The following KIF2B variants were observed in gnomAD, a reference collection of about 807,000 sequenced individuals.
The protein encoded by KIF2B is kinesin family member 2B, also known as kinesin-like protein KIF2B.
KIF2B carries 5 observed loss-of-function variants against 6.8 expected under a neutral mutation model. The ratio of observed to expected loss-of-function variants is 0.74; its 90% CI spans 0.39 to 1.55. KIF2B has a LOEUF of 1.55. KIF2B is among the 40% of genes most tolerant of loss of function. KIF2B has a pLI of 0.03. For missense variants in KIF2B, 908 were observed against 831.3 expected, an observed-to-expected ratio of 1.09 and a Z score of -1.13; for synonymous variants, 370 against 330.7, an observed-to-expected ratio of 1.12 and a Z score of -1.29.
At position 53,823,803 on chromosome 17, in the gene KIF2B, G is replaced by A. The variant is rs764658737; in HGVS notation, c.770G>A (p.Arg257His). The change falls in exon 1 of 1, where the codon CGC becomes CAC. Residue 257 changes from arginine to histidine, a missense_variant. Coordinates refer to ENST00000268919, the MANE Select transcript of KIF2B (RefSeq NM_032559.5). ...TCCAAGCAAAAGGTGGACCTCACTC[G>A]CTACCTGCAGAACCAGACCTTCTGC... ...HESKQKVDLT[R>H]YLQNQTFCFD... is the part of the protein sequence containing the mutation. The A allele has an allele frequency of 1.9e-6, 3 of 1,614,162 alleles. No homozygotes were observed. The highest frequency in any genetic ancestry group is 1.3e-5 in the African/African-American group (1 of 75,040).
In KIF2B at chr17:53,823,902, C is replaced by A. The variant is rs750979269; in HGVS notation, c.869C>A (p.Ser290Tyr). Residue 290 changes from serine (S) to tyrosine (Y), a missense_variant, in exon 1 of 1, where the codon TCC becomes TAC. Physicochemically the swap from Ser to Tyr is moderately radical, Grantham distance 144. Coordinates refer to ENST00000268919, the MANE Select transcript of KIF2B (RefSeq NM_032559.5). ...YQFTAQPLVE[S>Y]IFRKGMATCF... ...TTCACCGCCCAGCCACTGGTGGAGTCCATCTTCCGCAAGGGCATGGCCACC... is the reference window on the plus strand; with the variant it reads ...TTCACCGCCCAGCCACTGGTGGAGTACATCTTCCGCAAGGGCATGGCCACC... 1 of 1,614,240 alleles carries A rather than the reference C, an allele frequency of 6.2e-7. No individual in the cohort carries two copies. Among genetic ancestry groups the A allele is most frequent in the South Asian group, 1.1e-5 (1 of 91,086 alleles).
Position 53,824,857 on chromosome 17 carries a change from T to C in KIF2B, c.1824T>C (p.Asp608=). Residue 608 remains aspartate, a synonymous_variant, in exon 1 of 1, where the codon GAT becomes GAC. Transcript: ENST00000268919. The part of the protein sequence containing the change: ...VETLPTLLGK[D]TTISGKGSSQ... ...CATTACCCACTCTGTTAGGGAAGGA[T>C]ACCACAATTTCAGGGAAGGGATCTA... 1 of 1,614,000 alleles carries C rather than the reference T, an allele frequency of 6.2e-7. No individual in the cohort carries two copies. The highest frequency in any genetic ancestry group is 8.5e-7 in the Non-Finnish European group (1 of 1,179,948).
rs771455203 is a variant in KIF2B, at chr17:53,823,435, G to A, written c.402G>A (p.Arg134=). 1 of 1,614,086 alleles carries A rather than the reference G, an allele frequency of 6.2e-7. No homozygotes were observed. Among genetic ancestry groups the A allele is most frequent in the Non-Finnish European group, 8.5e-7 (1 of 1,180,034 alleles). Residue 134 remains arginine (R), a synonymous_variant, in exon 1 of 1, where the codon AGG becomes AGA. Coordinates refer to ENST00000268919, the MANE Select transcript of KIF2B (RefSeq NM_032559.5). ...QTASGDSLDV[R]VPSKPCLMKQ... ...CCTCAGGGGACAGCCTGGATGTGAG[G>A]GTCCCCAGCAAACCTTGTCTGATGA...
rs576476597 is a variant in KIF2B, at chr17:53,823,704, A to C, written c.671A>C (p.Asn224Thr). The C allele has an allele frequency of 9.3e-6, 15 of 1,614,212 alleles. No homozygotes were observed. The highest frequency in any genetic ancestry group is 1.2e-5 in the Non-Finnish European group (14 of 1,180,038). Reference protein sequence around the residue: ...ICVCVRKRPLNQRETTLKDLD... With the variant: ...ICVCVRKRPLTQRETTLKDLD... ...GTCTGCGTGAGGAAGCGGCCTCTCA[A>C]CCAGCGAGAGACAACCTTAAAGGAC... The change falls in exon 1 of 1, where the codon AAC (asparagine) becomes ACC (threonine). Residue 224 changes from asparagine (N) to threonine (T), a missense_variant. By Grantham distance (65) the Asn-to-Thr change is moderately conservative. Transcript: ENST00000268919.
rs550497346 is a variant in KIF2B, at chr17:53,823,054, C to T, written c.21C>T (p.Leu7=). 6.2e-7 allele frequency: 1 copy of T among 1,613,912 alleles called. No individual in the cohort carries two copies. The highest frequency in any genetic ancestry group is 8.5e-7 in the Non-Finnish European group (1 of 1,179,826). ...TCACCATGGCCAGCCAGTTCTGCCT[C>T]CCTGAATCCCCATGTCTCTCGCCCC... MASQFC[L]PESPCLSPLK... Residue 7 remains leucine (L), a synonymous_variant, in exon 1 of 1, where the codon CTC becomes CTT. Coordinates refer to ENST00000268919, the MANE Select transcript of KIF2B (RefSeq NM_032559.5).
chr17:53,824,989 G>T lies in KIF2B; in HGVS notation c.1956G>T (p.Leu652=). ...TTTTGGAGCAGAAAATTGATGCTCT[G>T]ACCGAGATCCAAAAGAAACTGAAAT... The part of the protein sequence containing the change: ...LSILEQKIDA[L]TEIQKKLKLL... The change falls in exon 1 of 1, where the codon CTG becomes CTT. Residue 652 remains leucine (L), a synonymous_variant. Transcript: ENST00000268919. 6.2e-7 allele frequency: 1 copy of T among 1,613,744 alleles called. No homozygotes were observed. Among genetic ancestry groups the T allele is most frequent in the South Asian group, 1.1e-5 (1 of 91,038 alleles).
At position 53,824,867 on chromosome 17, in the gene KIF2B, T is replaced by A. The variant is rs2143787419; in HGVS notation, c.1834T>A (p.Ser612Thr). The A allele has an allele frequency of 6.2e-7, 1 of 1,613,998 alleles. No homozygotes were observed. The highest frequency in any genetic ancestry group is 8.5e-7 in the Non-Finnish European group (1 of 1,179,952). Residue 612 changes from serine (S) to threonine (T), a missense_variant, in exon 1 of 1, where the codon TCA becomes ACA. Ser to Thr is a moderately conservative substitution (Grantham distance 58). Coordinates refer to ENST00000268919, the MANE Select transcript of KIF2B (RefSeq NM_032559.5). Reference protein sequence around the residue: ...PTLLGKDTTISGKGSSQWLEN... With the variant: ...PTLLGKDTTITGKGSSQWLEN... ...TCTGTTAGGGAAGGATACCACAATT[T>A]CAGGGAAGGGATCTAGCCAATGGCT...
In KIF2B at chr17:53,824,444, A is replaced by T. The variant is rs756908821; in HGVS notation, c.1411A>T (p.Ile471Phe). The T allele has an allele frequency of 2.5e-6, 4 of 1,614,004 alleles. No homozygotes were observed. In the African/African-American group the frequency reaches 5.3e-5, roughly 22 times the overall value. ...GAAAAGGCAGCTGGAAGGGGCAGAG[A>T]TTAACAAGAGTCTTCTAGCCCTCAA... Reference protein sequence around the residue: ...SRKRQLEGAEINKSLLALKEC... With the variant: ...SRKRQLEGAEFNKSLLALKEC... The change falls in exon 1 of 1, where the codon ATT becomes TTT. Residue 471 changes from isoleucine (I) to phenylalanine (F), a missense_variant. Coordinates refer to ENST00000268919, the MANE Select transcript of KIF2B (RefSeq NM_032559.5).
rs1309953637 is a variant in KIF2B at position 53,825,094 on chromosome 17, C to T, written c.*39C>T. On this transcript the variant is annotated 3_prime_UTR_variant, in exon 1 of 1. Coordinates refer to ENST00000268919, the MANE Select transcript of KIF2B (RefSeq NM_032559.5). ...AGATCAGGTCCGAAATGCTGCATTGCTGCAGTTTCCACCACTCTTATACAG... is the reference window on the plus strand; with the variant it reads ...AGATCAGGTCCGAAATGCTGCATTGTTGCAGTTTCCACCACTCTTATACAG... 4.2e-6 allele frequency: 6 copies of T among 1,441,556 alleles called. No individual in the cohort carries two copies. The highest frequency in any genetic ancestry group is 5.7e-6 in the Non-Finnish European group (6 of 1,049,944). 89.3% of individuals were successfully genotyped at this position (1,441,556 alleles called of 1,614,324 possible). A position where few individuals can be genotyped will look rare whatever the true frequency, so the allele number is the denominator to read the frequency against.
In KIF2B at chr17:53,824,489, G is replaced by A. The variant is rs1432836022; in HGVS notation, c.1456G>A (p.Gly486Ser). ...LALKECILAL[G>S]QNKPHTPFRA... ...CCTCAAAGAATGTATTCTGGCTTTG[G>A]GTCAGAACAAGCCTCACACCCCATT... The change falls in exon 1 of 1, where the codon GGT becomes AGT. Residue 486 changes from glycine to serine, a missense_variant. Coordinates refer to ENST00000268919, the MANE Select transcript of KIF2B (RefSeq NM_032559.5). 1 of 1,614,016 alleles carries A rather than the reference G, an allele frequency of 6.2e-7. No individual in the cohort carries two copies. Among genetic ancestry groups the A allele is most frequent in the Non-Finnish European group, 8.5e-7 (1 of 1,180,012 alleles).
rs1359504928 is a variant in KIF2B, at chr17:53,824,475, G to A, written c.1442G>A (p.Cys481Tyr). The part of the protein sequence containing the change: ...INKSLLALKE[C>Y]ILALGQNKPH... ...AAGAGTCTTCTAGCCCTCAAAGAAT[G>A]TATTCTGGCTTTGGGTCAGAACAAG... Residue 481 changes from cysteine (C) to tyrosine (Y), a missense_variant, in exon 1 of 1, where the codon TGT becomes TAT. Cys to Tyr is a radical substitution (Grantham distance 194). Coordinates refer to ENST00000268919, the MANE Select transcript of KIF2B (RefSeq NM_032559.5). 10 of 1,613,966 alleles carry A rather than the reference G, an allele frequency of 6.2e-6. No homozygotes were observed. Among genetic ancestry groups the A allele is most frequent in the Admixed American group, 1.7e-5 (1 of 59,986 alleles).
chr17:53,823,719 C>A lies in KIF2B; in HGVS notation c.686C>A (p.Thr229Asn), dbSNP rs766279989. Reference sequence around the variant, plus strand: ...CGGCCTCTCAACCAGCGAGAGACAACCTTAAAGGACCTGGATATCATCACC... The same window carrying A: ...CGGCCTCTCAACCAGCGAGAGACAAACTTAAAGGACCTGGATATCATCACC... ...RKRPLNQRET[T>N]LKDLDIITVP... Residue 229 changes from threonine (T) to asparagine (N), a missense_variant, in exon 1 of 1, where the codon ACC (threonine) becomes AAC (asparagine). Thr to Asn is a moderately conservative substitution (Grantham distance 65, BLOSUM62 0). Transcript: ENST00000268919. 6.2e-7 allele frequency: 1 copy of A among 1,614,218 alleles called. No individual in the cohort carries two copies. Among genetic ancestry groups the A allele is most frequent in the Non-Finnish European group, 8.5e-7 (1 of 1,180,046 alleles).
rs1166112935 is a variant in KIF2B at position 53,823,080 on chromosome 17, T to C, written c.47T>C (p.Leu16Pro). 3 of 1,614,032 alleles carry C rather than the reference T, an allele frequency of 1.9e-6. No homozygotes were observed. Among genetic ancestry groups the C allele is most frequent in the Non-Finnish European group, 1.7e-6 (2 of 1,180,024 alleles). Reference sequence around the variant, plus strand: ...CCTGAATCCCCATGTCTCTCGCCCCTGAAACCCTTGAAGCCACATTTCGGA... The same window carrying C: ...CCTGAATCCCCATGTCTCTCGCCCCCGAAACCCTTGAAGCCACATTTCGGA... Reference protein sequence around the residue: ...CLPESPCLSPLKPLKPHFGDI... With the variant: ...CLPESPCLSPPKPLKPHFGDI... Residue 16 changes from leucine (L) to proline (P), a missense_variant, in exon 1 of 1, where the codon CTG (leucine) becomes CCG (proline). By Grantham distance (98) the Leu-to-Pro change is moderately conservative. Transcript: ENST00000268919.
Position 53,824,507 on chromosome 17 carries a change from A to G in KIF2B, c.1474A>G (p.Thr492Ala), listed in dbSNP as rs773492584. Residue 492 changes from threonine (T) to alanine (A), a missense_variant, in exon 1 of 1, where the codon ACC becomes GCC. Thr to Ala is a moderately conservative substitution (Grantham distance 58). Coordinates refer to ENST00000268919, the MANE Select transcript of KIF2B (RefSeq NM_032559.5). ...GGCTTTGGGTCAGAACAAGCCTCACACCCCATTCAGAGCCAGCAAACTCAC... is the reference window on the plus strand; with the variant it reads ...GGCTTTGGGTCAGAACAAGCCTCACGCCCCATTCAGAGCCAGCAAACTCAC... ...ILALGQNKPH[T>A]PFRASKLTLV... 1 of 1,613,972 alleles carries G rather than the reference A, an allele frequency of 6.2e-7. No individual in the cohort carries two copies. Among genetic ancestry groups the G allele is most frequent in the Admixed American group, 1.7e-5 (1 of 60,004 alleles).
chr17:53,825,065 C>A lies in KIF2B; in HGVS notation c.*10C>A, dbSNP rs763113668. On this transcript the variant is annotated 3_prime_UTR_variant, in exon 1 of 1. Coordinates refer to ENST00000268919, the MANE Select transcript of KIF2B (RefSeq NM_032559.5). ...GAGCAAGGTAGAGTGAAGCCAATGG[C>A]GAGAGATCAGGTCCGAAATGCTGCA... 6 of 1,585,602 alleles carry A rather than the reference C, an allele frequency of 3.8e-6. No homozygotes were observed. In the East Asian group the frequency reaches 8.9e-5, roughly 24 times the overall value.
rs2143781271 is a variant in KIF2B at position 53,823,713 on chromosome 17, A to T, written c.680A>T (p.Glu227Val). ...CVRKRPLNQR[E>V]TTLKDLDIIT... is the part of the protein sequence containing the mutation. ...AGGAAGCGGCCTCTCAACCAGCGAG[A>T]GACAACCTTAAAGGACCTGGATATC... The change falls in exon 1 of 1, where the codon GAG becomes GTG. Residue 227 changes from glutamate to valine, a missense_variant. Physicochemically the swap from Glu to Val is moderately radical, Grantham distance 121 (BLOSUM62 -2). Coordinates refer to ENST00000268919, the MANE Select transcript of KIF2B (RefSeq NM_032559.5). 1 of 1,614,180 alleles carries T rather than the reference A, an allele frequency of 6.2e-7. No individual in the cohort carries two copies. The highest frequency in any genetic ancestry group is 8.5e-7 in the Non-Finnish European group (1 of 1,180,030).
Position 53,825,091 on chromosome 17 carries a change from T to C in KIF2B, c.*36T>C. The C allele has an allele frequency of 1.4e-6, 2 of 1,447,646 alleles. No homozygotes were observed. Among genetic ancestry groups the C allele is most frequent in the Non-Finnish European group, 9.5e-7 (1 of 1,054,898 alleles). The allele number at this position is 1,447,646 out of a possible 1,614,324, so 89.7% of individuals were successfully genotyped here. On this transcript the variant is annotated 3_prime_UTR_variant, in exon 1 of 1. Coordinates refer to ENST00000268919, the MANE Select transcript of KIF2B (RefSeq NM_032559.5). ...GAGAGATCAGGTCCGAAATGCTGCA[T>C]TGCTGCAGTTTCCACCACTCTTATA...
Position 53,824,398 on chromosome 17 carries a change from A to G in KIF2B, c.1365A>G (p.Ala455=), listed in dbSNP as rs1261238685. The change falls in exon 1 of 1, where the codon GCA becomes GCG. Residue 455 remains alanine, a synonymous_variant. Transcript: ENST00000268919. ...LVDLAGNERG[A]DTTKASRKRQ... is the part of the protein sequence containing the mutation. ...ATTTAGCTGGGAATGAAAGAGGAGC[A>G]GATACAACCAAGGCCAGCCGGAAAA... 15 of 1,614,184 alleles carry G rather than the reference A, an allele frequency of 9.3e-6. No homozygotes were observed. Among genetic ancestry groups the G allele is most frequent in the Non-Finnish European group, 1.3e-5 (15 of 1,180,050 alleles).
At position 53,823,263 on chromosome 17, in the gene KIF2B, T is replaced by C. The variant is rs999738557; in HGVS notation, c.230T>C (p.Leu77Pro). Reference sequence around the variant, plus strand: ...AAGAAGATTGACCTGGAGACCATACTCCTGCTGAATCCAGCTCTGGACTCT... The same window carrying C: ...AAGAAGATTGACCTGGAGACCATACCCCTGCTGAATCCAGCTCTGGACTCT... ...KGKKIDLETILLLNPALDSAE... is the reference protein window; with the variant it reads ...KGKKIDLETIPLLNPALDSAE... Residue 77 changes from leucine (L) to proline (P), a missense_variant, in exon 1 of 1, where the codon CTC becomes CCC. By Grantham distance (98) the Leu-to-Pro change is moderately conservative. Transcript: ENST00000268919. The C allele has an allele frequency of 6.2e-6, 10 of 1,614,006 alleles. No individual in the cohort carries two copies. The African/African-American group carries it at 1.2e-4, about 19-fold the overall frequency.
Sources: allele counts gnomAD v4.1 joint callset, GRCh38; gene constraint gnomAD v4.1.1; transcripts MANE v1.5; gene names NCBI Gene and HGNC (gene_info 2026-07-23, HGNC 2026-07-21).